GIGYF2: variants seen among roughly 807,000 people sequenced by gnomAD.
GIGYF2 encodes the protein GRB10-interacting GYF protein 2.
GIGYF2 carries 25 observed loss-of-function variants against 208.1 expected under a neutral mutation model. The observed-to-expected ratio is 0.12, with a 90% CI of 0.09 to 0.17. GIGYF2 has a LOEUF of 0.17. GIGYF2 is among the 10% of genes least tolerant of loss of function. The pLI is 1.00. For synonymous variants in GIGYF2, 534 were observed against 543.8 expected, an observed-to-expected ratio of 0.98 and a Z score of 0.25; for missense variants, 1,302 against 1,579.4, an observed-to-expected ratio of 0.82 and a Z score of 2.98.
At chr2:232,803,455 A>G (rs1700460537) in intron 14 of GIGYF2, among the ~76,000 whole-genome samples, 1 of 152,164 alleles carries the variant, frequency 6.6e-6, no homozygotes, top group Admixed American at 6.5e-5. Flanking sequence ...GAAAAATTTT[A>G]TAGTTTTTAT....
chr2:232,760,092 A>G, intron 6 of GIGYF2: 1 of 172,198 alleles, frequency 5.8e-6, no homozygotes, highest in Non-Finnish European at 1.3e-5. Flanking sequence ...CTGTCTTCTT[A>G]AACTCTCTAA....
intron 1 of GIGYF2, among the ~76,000 whole-genome samples, chr2:232,703,009 A>AT (rs1166172612): frequency 1.3e-5 from 2 of 152,126 alleles, no homozygotes; most frequent in African/African-American, 4.8e-5. Context: ...CTGGTCTTGA[A>AT]TTCGTGGGCT....
At chr2:232,843,085 C>A (rs1358952115) in intron 23 of GIGYF2, 1 of 151,232 alleles carries the variant, frequency 6.6e-6, no homozygotes, top group Non-Finnish European at 1.5e-5. Flanking sequence ...ATCTGCTTTT[C>A]AGATTTTAAA....
At chr2:232,800,164 C>CCTATG (rs1438393336) in intron 14 of GIGYF2, among the ~76,000 whole-genome samples, 1 of 151,122 alleles carries the variant, frequency 6.6e-6, no homozygotes, top group Non-Finnish European at 1.5e-5. Flanking sequence ...TGCTTTGTTG[C>CCTATG]CTATGCCTTT....
intron 1 of GIGYF2, chr2:232,700,477 A>G (rs1189223260): frequency 6.6e-6 from 1 of 152,194 alleles, no homozygotes; most frequent in Non-Finnish European, 1.5e-5. Context: ...GCCCTTCTGT[A>G]GGATCTTTGA....
intron 8 of GIGYF2, among the ~76,000 whole-genome samples, chr2:232,773,913 A>G (rs1030682880): frequency 3.4e-5 from 4 of 118,268 alleles, no homozygotes; most frequent in African/African-American, 1.5e-4. Flanking sequence ...CTCTATTTAA[A>G]AAAAAAAAAA....
intron 3 of GIGYF2, among the ~76,000 whole-genome samples, chr2:232,737,907 C>CTTTTTT (rs11320395): frequency 1.2e-5 from 1 of 85,220 alleles, no homozygotes; most frequent in African/African-American, 4.7e-5. Flanking sequence ...TAAGCTTTAA[C>CTTTTTT]TTTTTTTTTT....
intron 14 of GIGYF2, among the ~76,000 whole-genome samples, chr2:232,804,387 T>G (rs1700493277): frequency 1.3e-5 from 2 of 151,850 alleles, no homozygotes; most frequent in African/African-American, 2.4e-5. Flanking sequence ...CTCAGTTTTT[T>G]TTTTTTTTTT....
intron 2 of GIGYF2, among the ~76,000 whole-genome samples, chr2:232,717,579 G>T (rs1696746629): frequency 6.6e-6 from 1 of 152,114 alleles, no homozygotes; most frequent in African/African-American, 2.4e-5. Context: ...TGCTATAAAG[G>T]AATACCTGAG....
At chr2:232,774,804 G>C (rs531549904) in intron 8 of GIGYF2, among the ~76,000 whole-genome samples, 6 of 152,204 alleles carry the variant, frequency 3.9e-5, no homozygotes, top group African/African-American at 1.4e-4. Context: ...AAAACTCCAT[G>C]ATTCTTTTGT....
chr2:232,702,534 T>G (rs1695901872), intron 1 of GIGYF2, among the ~76,000 whole-genome samples: 1 of 152,144 alleles, frequency 6.6e-6, no homozygotes, highest in African/African-American at 2.4e-5. Context: ...GTTCTTTGAC[T>G]TGTTAGTAGC....
chr2:232,832,159 T>A (rs1056431347), intron 21 of GIGYF2, among the ~76,000 whole-genome samples: 1 of 152,242 alleles, frequency 6.6e-6, no homozygotes, highest in Non-Finnish European at 1.5e-5. Flanking sequence ...GGCTGACTTC[T>A]ATCTGACCTA....
intron 23 of GIGYF2, among the ~76,000 whole-genome samples, chr2:232,842,731 C>T (rs952012930): frequency 3.3e-5 from 5 of 152,078 alleles, no homozygotes; most frequent in African/African-American, 1.2e-4. Flanking sequence ...GGGACCTCCA[C>T]CCCCACCCCC....
At chr2:232,731,862 T>C (rs114202497) in intron 2 of GIGYF2, among the ~76,000 whole-genome samples, 13 of 146,388 alleles carry the variant, frequency 8.9e-5, no homozygotes, top group African/African-American at 3.0e-4. Flanking sequence ...CTTTTCTTGT[T>C]AGAATTATTT....
At chr2:232,787,575 C>T (rs148442434) in intron 9 of GIGYF2, among the ~76,000 whole-genome samples, 4 of 152,206 alleles carry the variant, frequency 2.6e-5, no homozygotes, top group Non-Finnish European at 5.9e-5. Context: ...GAAGCACCTG[C>T]GCTCAACTGC....
chr2:232,804,995 T>C (rs1700516340), intron 14 of GIGYF2, among the ~76,000 whole-genome samples: 1 of 152,178 alleles, frequency 6.6e-6, no homozygotes, highest in Non-Finnish European at 1.5e-5. Flanking sequence ...CCATAGGTTT[T>C]TGGGGAACAG....
chr2:232,750,731 C>CTGTG (rs61571808), intron 5 of GIGYF2, among the ~76,000 whole-genome samples: 27,708 of 147,184 alleles, frequency 0.19, 2,605 homozygotes, highest in Middle Eastern at 0.21. Flanking sequence ...TATATGAGCT[C>CTGTG]TGTGTGTGTG....
intron 22 of GIGYF2, among the ~76,000 whole-genome samples, chr2:232,837,190 C>G (rs1701666456): frequency 6.6e-6 from 1 of 152,182 alleles, no homozygotes; most frequent in Non-Finnish European, 1.5e-5. Context: ...GCATTTGTCA[C>G]AGGTGACTGC....
chr2:232,749,465 C>A (rs1482363960), intron 5 of GIGYF2, among the ~76,000 whole-genome samples: 1 of 151,882 alleles, frequency 6.6e-6, no homozygotes, highest in East Asian at 1.9e-4. Flanking sequence ...ATCTTCAGTT[C>A]AAAATGCATT....
Sources: gnomAD v4.1 joint callset for allele counts (sites outside exome capture counted in the v4.1 genomes callset) on GRCh38, gnomAD v4.1.1 for gene constraint, MANE v1.5 for transcripts, NCBI Gene and HGNC (gene_info 2026-07-23, HGNC 2026-07-21) for gene names.